The following PRKCE variants were observed in gnomAD, a reference collection of about 807,000 sequenced individuals.
PRKCE encodes protein kinase C epsilon type.
A neutral mutation model predicts 85.4 loss-of-function variants in PRKCE; 16 were observed. That is an observed-to-expected ratio of 0.19 (90% CI 0.13 to 0.28). The LOEUF (loss-of-function observed/expected upper bound fraction) is 0.28. PRKCE is among the 10% of genes least tolerant of loss of function. PRKCE has a pLI of 1.00. For missense variants in PRKCE, 573 were observed against 975.2 expected (o/e 0.59, Z 5.49); for synonymous variants, 388 against 371.5 (o/e 1.04, Z -0.51).
At chr2:46,076,348 A>G (rs1668559631) in intron 10 of PRKCE, among the ~76,000 whole-genome samples, 1 of 152,228 alleles carries the variant, frequency 6.6e-6, no homozygotes, top group African/African-American at 2.4e-5. Context: ...CTGGAAAAGG[A>G]AAGTGTTCTC....
chr2:45,736,511 G>A (rs1273219389), intron 1 of PRKCE, among the ~76,000 whole-genome samples: 1 of 152,174 alleles, frequency 6.6e-6, no homozygotes, highest in African/African-American at 2.4e-5. Flanking sequence ...ATTAGACGTG[G>A]AGCAGTCACC....
At chr2:45,856,579 T>G (rs1692695994) in intron 2 of PRKCE, among the ~76,000 whole-genome samples, 1 of 152,180 alleles carries the variant, frequency 6.6e-6, no homozygotes, top group African/African-American at 2.4e-5. Flanking sequence ...CTCTTCTAGC[T>G]CTCTTGATAT....
intron 9 of PRKCE, among the ~76,000 whole-genome samples, chr2:46,009,007 T>C (rs1006321906): frequency 1.3e-5 from 2 of 152,250 alleles, no homozygotes; most frequent in African/African-American, 4.8e-5. Flanking sequence ...GGCTGCTTTT[T>C]AGCTTTGATG....
intron 10 of PRKCE, among the ~76,000 whole-genome samples, chr2:46,081,987 C>T (rs571776897): frequency 6.6e-6 from 1 of 152,168 alleles, no homozygotes; most frequent in African/African-American, 2.4e-5. Flanking sequence ...CCCAGCTACT[C>T]GGGAGGCTGA....
At chr2:46,147,042 G>A (rs61759981) in intron 12 of PRKCE, among the ~76,000 whole-genome samples, 16,419 of 152,174 alleles carry the variant, frequency 0.11, 1,132 homozygotes, top group Non-Finnish European at 0.16. Context: ...ATGGTCAGGA[G>A]GCTTCACAGA....
chr2:45,990,354 C>T (rs879355312), intron 6 of PRKCE, among the ~76,000 whole-genome samples: 4 of 152,206 alleles, frequency 2.6e-5, no homozygotes, highest in Non-Finnish European at 4.4e-5. Flanking sequence ...GACATCTTAT[C>T]GCTTTTGATG....
At chr2:45,992,252 C>G (rs985510700) in intron 6 of PRKCE, among the ~76,000 whole-genome samples, 1 of 152,086 alleles carries the variant, frequency 6.6e-6, no homozygotes, top group African/African-American at 2.4e-5. Context: ...GAGAATGTCC[C>G]CTGTACACGT....
chr2:46,142,307 T>G (rs952430652), intron 11 of PRKCE, among the ~76,000 whole-genome samples: 1 of 152,216 alleles, frequency 6.6e-6, no homozygotes, highest in Non-Finnish European at 1.5e-5. Flanking sequence ...TGAGCTCTTT[T>G]GTTTATAATG....
chr2:46,069,915 G>C (rs959833843), intron 10 of PRKCE, among the ~76,000 whole-genome samples: 1 of 152,180 alleles, frequency 6.6e-6, no homozygotes, highest in African/African-American at 2.4e-5. Flanking sequence ...TCTTAAGGTT[G>C]AAATCCTAAC....
At chr2:45,800,135 G>A (rs931649352) in intron 1 of PRKCE, among the ~76,000 whole-genome samples, 5 of 152,228 alleles carry the variant, frequency 3.3e-5, no homozygotes, top group Admixed American at 6.5e-5. Flanking sequence ...TAGTGGTGGC[G>A]CAGGAGTGCC....
At chr2:45,818,619 T>A (rs1689272220) in intron 1 of PRKCE, among the ~76,000 whole-genome samples, 1 of 152,194 alleles carries the variant, frequency 6.6e-6, no homozygotes, top group South Asian at 2.1e-4. Context: ...CCTTATCTCC[T>A]TCCTAGGCCA....
intron 2 of PRKCE, among the ~76,000 whole-genome samples, chr2:45,899,375 AT>A (rs1229371733): frequency 5.3e-5 from 8 of 149,910 alleles, no homozygotes; most frequent in South Asian, 4.2e-4. Flanking sequence ...TTTTTAAAAA[AT>A]TTTTTTTCTT....
chr2:46,043,867 G>C (rs1275510106), intron 10 of PRKCE, among the ~76,000 whole-genome samples: 1 of 152,196 alleles, frequency 6.6e-6, no homozygotes, highest in African/African-American at 2.4e-5. Context: ...GATTGTTTAG[G>C]AGTCTCCTAT....
chr2:45,844,296 T>G (rs573466976), intron 2 of PRKCE, among the ~76,000 whole-genome samples: 1 of 152,368 alleles, frequency 6.6e-6, no homozygotes, highest in Admixed American at 6.5e-5. Context: ...TAAACAGCCT[T>G]CCAAAATTGG....
intron 1 of PRKCE, among the ~76,000 whole-genome samples, chr2:45,817,892 C>A (rs1057494219): frequency 6.6e-6 from 1 of 152,164 alleles, no homozygotes; most frequent in Non-Finnish European, 1.5e-5. Flanking sequence ...CATCTCACTG[C>A]CTGCTCTCAA....
intron 10 of PRKCE, among the ~76,000 whole-genome samples, chr2:46,065,633 C>G (rs78237978): frequency 0.04 from 6,016 of 152,282 alleles, 210 homozygotes; most frequent in East Asian, 0.15. Flanking sequence ...TCTAAAATTA[C>G]ATACTTCTGG....
At chr2:45,706,692 G>A (rs1019733180) in intron 1 of PRKCE, among the ~76,000 whole-genome samples, 3 of 152,122 alleles carry the variant, frequency 2.0e-5, no homozygotes, top group Non-Finnish European at 4.4e-5. Flanking sequence ...TGATAGTTTG[G>A]CCCCCCACAA....
At position 45,656,670 on chromosome 2, in the gene PRKCE, A is replaced by G. The variant is rs1164808532; in HGVS notation, c.348+4222A>G. Among the ~76,000 whole-genome samples the G allele has an allele frequency of 2.6e-5, 4 of 152,244 alleles. No homozygotes were observed. In the East Asian group the frequency reaches 7.7e-4, roughly 29 times the overall value. Reference sequence around the variant, plus strand: ...TATATAGATCCATATAGATAAAAATATAGATCCTCTGGCCCAACCTTGAGA... The same window carrying G: ...TATATAGATCCATATAGATAAAAATGTAGATCCTCTGGCCCAACCTTGAGA... On this transcript the variant is annotated intron_variant, in intron 1 of 14. Coordinates refer to ENST00000306156, the MANE Select transcript of PRKCE (RefSeq NM_005400.3).
chr2:45,780,620 A>AG lies in PRKCE; in HGVS notation c.349-62375dup, dbSNP rs1434612028. On this transcript the variant is annotated intron_variant, in intron 1 of 14. Transcript: ENST00000306156. Reference sequence around the variant, plus strand: ...CTTTCGAGGCACATGTGAGAGACAAAGGGGGCACCCCAAACCTCTGTAGGG... The same window carrying AG: ...CTTTCGAGGCACATGTGAGAGACAAAGGGGGGCACCCCAAACCTCTGTAGGG... 5.3e-5 allele frequency among the ~76,000 whole-genome samples: 8 copies of AG among 152,182 alleles called. 1 individual carries two copies. The highest frequency in any genetic ancestry group is 1.9e-4 in the African/African-American group (8 of 41,454).
Sources: gnomAD v4.1 joint callset for allele counts (sites outside exome capture counted in the v4.1 genomes callset) on GRCh38, gnomAD v4.1.1 for gene constraint, MANE v1.5 for transcripts, NCBI Gene and HGNC (gene_info 2026-07-23, HGNC 2026-07-21) for gene names.